Variants in PDE4D observed in about 807,000 individuals in gnomAD.
PDE4D encodes 3',5'-cyclic-AMP phosphodiesterase 4D.
Under a neutral mutation model 87.4 loss-of-function variants are expected in PDE4D, and 24 were observed. The ratio of observed to expected loss-of-function variants is 0.27; its 90% CI spans 0.20 to 0.39. PDE4D has a LOEUF of 0.39. Ranked by LOEUF, PDE4D falls within the 10% of genes least tolerant of loss-of-function variation. The pLI is 1.00. For synonymous variants in PDE4D, 384 were observed against 383.2 expected (o/e 1.00, Z -0.02); for missense variants, 714 against 1,041.0 (o/e 0.69, Z 4.32).
At chr5:59,649,067 A>T (rs958979501) in intron 1 of PDE4D, among the ~76,000 whole-genome samples, 20 of 152,232 alleles carry the variant, frequency 1.3e-4, no homozygotes, top group Non-Finnish European at 2.9e-5. Flanking sequence ...TGATTTATTA[A>T]GAATAGCCAC....
intron 1 of PDE4D, among the ~76,000 whole-genome samples, chr5:59,386,947 A>G (rs1311503754): frequency 6.6e-6 from 1 of 152,180 alleles, no homozygotes; most frequent in Non-Finnish European, 1.5e-5. Context: ...CCATTACATC[A>G]AATTGCCTGC....
intron 5 of PDE4D, among the ~76,000 whole-genome samples, chr5:59,109,400 CT>C (rs1242207837): frequency 6.6e-6 from 1 of 152,222 alleles, no homozygotes; most frequent in Non-Finnish European, 1.5e-5. Flanking sequence ...ATAAGAAGCT[CT>C]GATAAGGAGA....
At position 60,484,817 on chromosome 5, in the gene PDE4D, T is replaced by C. The variant is rs189240246; in HGVS notation, c.-90+3125A>G. Among the ~76,000 whole-genome samples, 583 of 152,350 alleles carry C rather than the reference T, an allele frequency of 3.8e-3. 2 individuals carry two copies. Among genetic ancestry groups the C allele is most frequent in the African/African-American group, 0.014 (571 of 41,586 alleles). On this transcript the variant is annotated intron_variant, in intron 1 of 16. Coordinates refer to the PDE4D transcript ENST00000502484. ...CTAGCGTGATGAGCTACAGTCATAA[T>C]AATAGTGTACATGTACAGCACATTA...
intron 1 of PDE4D, among the ~76,000 whole-genome samples, chr5:60,346,351 G>C (rs1044759224): frequency 6.6e-6 from 1 of 152,120 alleles, no homozygotes; most frequent in African/African-American, 2.4e-5. Flanking sequence ...GCAATCTGTT[G>C]ACATTCAGAA....
At chr5:60,454,147 GTA>G (rs767189968) in intron 1 of PDE4D, among the ~76,000 whole-genome samples, 22 of 152,134 alleles carry the variant, frequency 1.4e-4, no homozygotes, top group Non-Finnish European at 2.5e-4. Flanking sequence ...CTCTGAAACT[GTA>G]TGACTCTCTA....
At chr5:59,857,664 T>C (rs185758050) in intron 1 of PDE4D, among the ~76,000 whole-genome samples, 8 of 152,206 alleles carry the variant, frequency 5.3e-5, no homozygotes, top group Admixed American at 5.2e-4. Context: ...AAGACATTTC[T>C]CAATGAGTTT....
chr5:60,343,642 T>C lies in PDE4D; in HGVS notation c.-90+144300A>G, dbSNP rs536745242. Among the ~76,000 whole-genome samples, 5 of 152,242 alleles carry C rather than the reference T, an allele frequency of 3.3e-5. No individual in the cohort carries two copies. In the East Asian group the frequency reaches 7.7e-4, roughly 24 times the overall value. On this transcript the variant is annotated intron_variant, in intron 1 of 16. Transcript: ENST00000502484. ...GCAGAGTCCCTTGTCAGTTGACTTC[T>C]GGCTGTGTTTGGCTACAAGACTGGA...
rs150295709 is a variant in PDE4D at position 59,518,690 on chromosome 5, T to C, written c.456-302722A>G. ...GGGTCACTTATCCCCAATTCAGGCA[T>C]TCGACTACCAGCTTCATGATTCTGC... On this transcript the variant is annotated intron_variant, in intron 1 of 14. Transcript: ENST00000340635. Among the ~76,000 whole-genome samples, 370 of 152,318 alleles carry C rather than the reference T, an allele frequency of 2.4e-3. 1 individual carries two copies. Among genetic ancestry groups the C allele is most frequent in the African/African-American group, 8.5e-3 (353 of 41,562 alleles).
At chr5:60,014,090 T>TCAAAA (rs1561980234) in intron 2 of PDE4D, among the ~76,000 whole-genome samples, 1 of 120,786 alleles carries the variant, frequency 8.3e-6, no homozygotes, top group African/African-American at 3.5e-5. Context: ...AGACTCCACC[T>TCAAAA]TAAAAAAAAA....
intron 1 of PDE4D, among the ~76,000 whole-genome samples, chr5:59,307,514 GA>G (rs920919987): frequency 6.6e-6 from 1 of 151,876 alleles, no homozygotes; most frequent in African/African-American, 2.4e-5. Context: ...AAATTCACAA[GA>G]AAAAAACAAA....
chr5:59,401,555 G>C (rs576514154), intron 1 of PDE4D, among the ~76,000 whole-genome samples: 1 of 152,070 alleles, frequency 6.6e-6, no homozygotes, highest in African/African-American at 2.4e-5. Flanking sequence ...GGAGGGTGGC[G>C]TGCAATTGAG....
At chr5:59,209,327 A>T (rs370658374) in intron 2 of PDE4D, among the ~76,000 whole-genome samples, 1 of 152,020 alleles carries the variant, frequency 6.6e-6, no homozygotes, top group Non-Finnish European at 1.5e-5. Context: ...CTGAGACTAC[A>T]GGCGCCCACC....
chr5:60,375,470 G>A (rs534683723), intron 1 of PDE4D, among the ~76,000 whole-genome samples: 1 of 152,278 alleles, frequency 6.6e-6, no homozygotes, highest in South Asian at 2.1e-4. Flanking sequence ...GCATAGAAAG[G>A]TTCAGTAATT....
chr5:59,276,674 C>A (rs1215738076), intron 1 of PDE4D, among the ~76,000 whole-genome samples: 1 of 151,958 alleles, frequency 6.6e-6, no homozygotes, highest in Non-Finnish European at 1.5e-5. Flanking sequence ...TAAGGCTGTT[C>A]CCTTGCACAA....
chr5:59,277,083 A>C (rs963406365), intron 1 of PDE4D, among the ~76,000 whole-genome samples: 1 of 152,158 alleles, frequency 6.6e-6, no homozygotes, highest in African/African-American at 2.4e-5. Flanking sequence ...CTCTAGTCTG[A>C]CGTGAACTTG....
intron 2 of PDE4D, among the ~76,000 whole-genome samples, chr5:60,102,836 C>T (rs541789565): frequency 2.0e-5 from 3 of 152,108 alleles, no homozygotes; most frequent in Non-Finnish European, 4.4e-5. Flanking sequence ...CCATGACCAA[C>T]CAGAAGATAT....
chr5:60,421,317 C>A (rs1257345614), intron 1 of PDE4D, among the ~76,000 whole-genome samples: 1 of 152,174 alleles, frequency 6.6e-6, no homozygotes, highest in Non-Finnish European at 1.5e-5. Context: ...GCAGGTGCCC[C>A]TCTAGCACGA....
intron 1 of PDE4D, among the ~76,000 whole-genome samples, chr5:59,373,967 A>G (rs1784332746): frequency 6.6e-6 from 1 of 152,218 alleles, no homozygotes; most frequent in Non-Finnish European, 1.5e-5. Flanking sequence ...CTGTTCAGAC[A>G]AGCAAATACT....
At chr5:59,236,998 A>T (rs1756586876) in intron 1 of PDE4D, among the ~76,000 whole-genome samples, 1 of 152,164 alleles carries the variant, frequency 6.6e-6, no homozygotes, top group Non-Finnish European at 1.5e-5. Context: ...ATTCCCTTCA[A>T]ATCTTGTCTC....
Sources: gnomAD v4.1 joint callset for allele counts (sites outside exome capture counted in the v4.1 genomes callset) on GRCh38, gnomAD v4.1.1 for gene constraint, MANE v1.5 for transcripts, NCBI Gene and HGNC (gene_info 2026-07-23, HGNC 2026-07-21) for gene names.